The following REL variants were observed in gnomAD, a reference collection of about 807,000 sequenced individuals.
The protein encoded by REL is proto-oncogene c-Rel.
In REL, 15 loss-of-function variants were observed where a neutral mutation model predicts 45.9. The observed-to-expected ratio is 0.33, with a 90% CI of 0.22 to 0.50. The LOEUF (loss-of-function observed/expected upper bound fraction) is 0.50. Among genes scored for constraint, REL ranks in the 20% least tolerant of loss-of-function variants. The pLI is 0.98. For synonymous variants in REL, 239 were observed against 242.1 expected (o/e 0.99, Z 0.12); for missense variants, 601 against 715.2 (o/e 0.84, Z 1.82).
At chr2:60,890,788 C>G (rs892176126) in intron 1 of REL, among the ~76,000 whole-genome samples, 6 of 152,178 alleles carry the variant, frequency 3.9e-5, no homozygotes, top group African/African-American at 9.7e-5. Flanking sequence ...TCCCCCCTGC[C>G]TTTCCTATCC....
chr2:60,881,971 A>G lies in REL; in HGVS notation c.10+121A>G, dbSNP rs573018296. 96 of 620,848 alleles carry G rather than the reference A, an allele frequency of 1.5e-4. 1 individual carries two copies. The South Asian group carries it at 2.5e-3, about 16-fold the overall frequency. 38.5% of individuals were successfully genotyped at this position (620,848 alleles called of 1,614,324 possible). A position where few individuals can be genotyped will look rare whatever the true frequency, so the allele number is the denominator to read the frequency against. ...GGGCGCGTTCTGTCTTTAAAATCTCATATGGTAAAATTGTCAGCTTTTAAA... is the reference window on the plus strand; with the variant it reads ...GGGCGCGTTCTGTCTTTAAAATCTCGTATGGTAAAATTGTCAGCTTTTAAA... On this transcript the variant is annotated intron_variant, in intron 1 of 9. Coordinates refer to ENST00000394479, the MANE Select transcript of REL (RefSeq NM_001291746.2).
intron 4 of REL, among the ~76,000 whole-genome samples, chr2:60,914,251 A>G (rs573472438): frequency 1.3e-5 from 2 of 152,346 alleles, no homozygotes; most frequent in East Asian, 3.9e-4. Flanking sequence ...TCAGCCTTAC[A>G]CTGAATCTTG....
chr2:60,888,803 G>T (rs540302197), intron 1 of REL, among the ~76,000 whole-genome samples: 1 of 152,282 alleles, frequency 6.6e-6, no homozygotes, highest in Non-Finnish European at 1.5e-5. Context: ...AGCTATCAGT[G>T]ATTCTTTAAT....
rs749043442 is a variant in REL at position 60,920,492 on chromosome 2, C to T, written c.923-82C>T. On this transcript the variant is annotated intron_variant, in intron 8 of 9. Transcript: ENST00000394479. ...CTGGGATTACAGGTGGGAGCCACCA[C>T]GCCCGGCCAGTTTTTCAGATTTTAA... 33 of 1,087,016 alleles carry T rather than the reference C, an allele frequency of 3.0e-5. No individual in the cohort carries two copies. The highest frequency in any genetic ancestry group is 4.6e-5 in the Non-Finnish European group (33 of 710,142). The allele number at this position is 1,087,016 out of a possible 1,614,324, so 67.3% of individuals were successfully genotyped here. A position where few individuals can be genotyped will look rare whatever the true frequency, so the allele number is the denominator to read the frequency against.
intron 4 of REL, among the ~76,000 whole-genome samples, chr2:60,901,921 T>G (rs911105664): frequency 6.6e-6 from 1 of 152,222 alleles, no homozygotes; most frequent in Non-Finnish European, 1.5e-5. Flanking sequence ...TTTATACTTA[T>G]GGTACTATCT....
At chr2:60,919,927 T>G in intron 7 of REL, 114 bp from the exon 8 acceptor site, 2 of 655,850 alleles carry the variant, frequency 3.0e-6, no homozygotes, top group East Asian at 5.6e-5. Flanking sequence ...AAATCCAACT[T>G]ACATACATAT....
intron 1 of REL, among the ~76,000 whole-genome samples, chr2:60,885,985 A>G (rs1241550220): frequency 6.6e-6 from 1 of 152,220 alleles, no homozygotes; most frequent in African/African-American, 2.4e-5. Context: ...TGGGAGATAA[A>G]CACAAGTTCA....
intron 2 of REL, among the ~76,000 whole-genome samples, chr2:60,892,963 C>T (rs1485360790): frequency 6.6e-6 from 1 of 152,102 alleles, no homozygotes; most frequent in African/African-American, 2.4e-5. Context: ...CCATGTTAGC[C>T]AGGATGGTCT....
In REL at chr2:60,916,857, A is replaced by T. The variant is rs1165789519; in HGVS notation, c.395-20A>T. On this transcript the variant is annotated intron_variant, in intron 4 of 9. Transcript: ENST00000394479. The stretch of plus-strand genomic sequence containing the variant: ...GTCTATGTGACTATTACATTTAAAA[A>T]ATTTTTTTTTTCTATTCAGTCCCTG... 6.3e-7 allele frequency: 1 copy of T among 1,596,656 alleles called. No individual in the cohort carries two copies. Among genetic ancestry groups the T allele is most frequent in the Non-Finnish European group, 8.6e-7 (1 of 1,168,842 alleles).
At chr2:60,904,175 G>GAGAGGATT in intron 4 of REL, among the ~76,000 whole-genome samples, 1 of 152,028 alleles carries the variant, frequency 6.6e-6, no homozygotes, top group African/African-American at 2.4e-5. Flanking sequence ...GGCCGAGGTG[G>GAGAGGATT]GGGGATCACG....
In REL at chr2:60,903,454, G is replaced by C. The variant is rs1673553000; in HGVS notation, c.394+2371G>C. 1.3e-5 allele frequency among the ~76,000 whole-genome samples: 2 copies of C among 151,906 alleles called. 1 individual carries two copies. The highest frequency in any genetic ancestry group is 4.2e-4 in the South Asian group (2 of 4,818). On this transcript the variant is annotated intron_variant, in intron 4 of 9. Coordinates refer to ENST00000394479, the MANE Select transcript of REL (RefSeq NM_001291746.2). The stretch of plus-strand genomic sequence containing the variant: ...AGTGATGTGATCACAGCTCACTGCA[G>C]CCTTGACCTCCCAGGCTCAGGTGAT...
chr2:60,922,189 G>C lies in REL; in HGVS notation c.1418G>C (p.Ser473Thr), dbSNP rs1573348775. The C allele has an allele frequency of 6.2e-7, 1 of 1,614,104 alleles. No homozygotes were observed. The highest frequency in any genetic ancestry group is 8.5e-7 in the Non-Finnish European group (1 of 1,179,986). Residue 473 changes from serine (S) to threonine (T), a missense_variant, in exon 10 of 10, where the codon AGC becomes ACC. Ser to Thr is a moderately conservative substitution (Grantham distance 58, BLOSUM62 1). Coordinates refer to ENST00000394479, the MANE Select transcript of REL (RefSeq NM_001291746.2). The part of the protein sequence containing the change: ...SVNMMTTSSD[S>T]MGETDNPRLL... Reference sequence around the variant, plus strand: ...AATATGATGACAACCAGCAGTGACAGCATGGGAGAGACTGATAATCCAAGA... The same window carrying C: ...AATATGATGACAACCAGCAGTGACACCATGGGAGAGACTGATAATCCAAGA...
chr2:60,929,543 A>T lies in REL; in HGVS notation c.*7008A>T, dbSNP rs1041413165. On this transcript the variant is annotated 3_prime_UTR_variant, in exon 10 of 10. Coordinates refer to ENST00000394479, the MANE Select transcript of REL (RefSeq NM_001291746.2). Reference sequence around the variant, plus strand: ...GTAGGGACATGGATGAAATTGGAAAACATCATTCTCAGTAAACTATCGCAA... The same window carrying T: ...GTAGGGACATGGATGAAATTGGAAATCATCATTCTCAGTAAACTATCGCAA... 1.3e-5 allele frequency: 2 copies of T among 151,664 alleles called. No homozygotes were observed. The highest frequency in any genetic ancestry group is 4.8e-5 in the African/African-American group (2 of 41,244). The allele number at this position is 151,664 out of a possible 1,614,324, so 9.4% of individuals were successfully genotyped here.
chr2:60,886,535 G>C lies in REL; in HGVS notation c.10+4685G>C, dbSNP rs559439744. On this transcript the variant is annotated intron_variant, in intron 1 of 9. Coordinates refer to ENST00000394479, the MANE Select transcript of REL (RefSeq NM_001291746.2). ...CTTTAGTTTTATCATGTGTAAGATG[G>C]GATAATAATTTCTATTATTTTTCAA... Among the ~76,000 whole-genome samples, 5 of 151,950 alleles carry C rather than the reference G, an allele frequency of 3.3e-5. No homozygotes were observed. The South Asian group carries it at 6.2e-4, about 19-fold the overall frequency.
At position 60,916,924 on chromosome 2, in the gene REL, G is replaced by T; in HGVS notation, c.442G>T (p.Val148Leu). ...NDIEDCDLNV[V>L]RLCFQVFLPD... is the part of the protein sequence containing the mutation. ...TATTGAAGATTGTGACCTCAATGTG[G>T]TGAGACTGTGTTTTCAAGTTTTTCT... Residue 148 changes from valine to leucine, a missense_variant, in exon 5 of 10, where the codon GTG becomes TTG. By Grantham distance (32) the Val-to-Leu change is conservative (BLOSUM62 1). This residue lies in a region of REL where 241 missense variants were observed against 347.0 expected (regional missense o/e 0.69). Coordinates refer to ENST00000394479, the MANE Select transcript of REL (RefSeq NM_001291746.2). 1.2e-6 allele frequency: 2 copies of T among 1,613,580 alleles called. No individual in the cohort carries two copies. Among genetic ancestry groups the T allele is most frequent in the Non-Finnish European group, 1.7e-6 (2 of 1,179,668 alleles).
rs1187354315 is a variant in REL at position 60,891,780 on chromosome 2, A to G, written c.108A>G (p.Pro36=). The G allele has an allele frequency of 1.2e-6, 2 of 1,614,080 alleles. No homozygotes were observed. The highest frequency in any genetic ancestry group is 1.7e-5 in the Admixed American group (1 of 60,012). ...KCEGRSAGSI[P]GEHSTDNNRT... is the part of the protein sequence containing the mutation. ...AAGGGCGATCAGCAGGCAGCATTCC[A>G]GGGGAGCACAGCACAGACAACAACC... is the stretch of plus-strand genomic sequence containing the variant. Residue 36 remains proline, a synonymous_variant, in exon 2 of 10, where the codon CCA becomes CCG. Coordinates refer to ENST00000394479, the MANE Select transcript of REL (RefSeq NM_001291746.2).
At chr2:60,901,306 C>T (rs1173667194) in intron 4 of REL, among the ~76,000 whole-genome samples, 3 of 151,772 alleles carry the variant, frequency 2.0e-5, no homozygotes, top group Non-Finnish European at 4.4e-5. Context: ...GGATTATAGG[C>T]GCCCACCATC....
In REL at chr2:60,931,369, A is replaced by G. The variant is rs375844767; in HGVS notation, c.*8834A>G. The G allele has an allele frequency of 2.6e-5, 4 of 151,884 alleles. No individual in the cohort carries two copies. The highest frequency in any genetic ancestry group is 6.6e-5 in the Admixed American group (1 of 15,214). The allele number at this position is 151,884 out of a possible 1,614,324, so 9.4% of individuals were successfully genotyped here. On this transcript the variant is annotated 3_prime_UTR_variant, in exon 10 of 10. Coordinates refer to ENST00000394479, the MANE Select transcript of REL (RefSeq NM_001291746.2). Reference sequence around the variant, plus strand: ...GATCCCAGCAGAATACCAAAATCCTATTTTTTTTGACTGAGTATTTGTAGA... The same window carrying G: ...GATCCCAGCAGAATACCAAAATCCTGTTTTTTTTGACTGAGTATTTGTAGA...
At chr2:60,916,234 G>A (rs1482925444) in intron 4 of REL, among the ~76,000 whole-genome samples, 1 of 152,134 alleles carries the variant, frequency 6.6e-6, no homozygotes, top group East Asian at 1.9e-4. Context: ...GCAACATAGT[G>A]AAACCCCATC....
Sources: gnomAD v4.1 joint callset for allele counts (sites outside exome capture counted in the v4.1 genomes callset) on GRCh38, gnomAD v4.1.1 for gene constraint, gnomAD v4.1.1 regional missense constraint, MANE v1.5 for transcripts, NCBI Gene and HGNC (gene_info 2026-07-23, HGNC 2026-07-21) for gene names.